TFB1M: variants seen among roughly 807,000 people sequenced by gnomAD.
TFB1M encodes the protein dimethyladenosine transferase 1, mitochondrial.
A neutral mutation model predicts 31.1 loss-of-function variants in TFB1M; 27 were observed. The ratio of observed to expected loss-of-function variants is 0.87; its 90% CI spans 0.64 to 1.20. The LOEUF is 1.20. TFB1M is among the 50% of genes most tolerant of loss of function. The pLI is 0.00. For missense variants in TFB1M, 394 were observed against 418.7 expected, an observed-to-expected ratio of 0.94 and a Z score of 0.51; for synonymous variants, 166 against 151.8, an observed-to-expected ratio of 1.09 and a Z score of -0.69.
chr6:155,281,125 T>A (rs1785481190), intron 5 of TFB1M, among the ~76,000 whole-genome samples: 1 of 152,234 alleles, frequency 6.6e-6, no homozygotes, highest in African/African-American at 2.4e-5. Context: ...TTTGTTTATA[T>A]CATAACAATA....
the TFB1M span, among the ~76,000 whole-genome samples, chr6:155,234,909 T>C: frequency 1.3e-5 from 2 of 152,082 alleles, no homozygotes; most frequent in African/African-American, 4.8e-5. Flanking sequence ...AGGAACTAGA[T>C]TGCTTTGCCT....
At chr6:155,248,762 A>AC in the TFB1M span, among the ~76,000 whole-genome samples, 4 of 152,254 alleles carry the variant, frequency 2.6e-5, no homozygotes, top group Non-Finnish European at 5.9e-5. Context: ...TTGATAGTAA[A>AC]TAGAGGATCC....
chr6:155,249,532 T>C, the TFB1M span, among the ~76,000 whole-genome samples: 1 of 152,228 alleles, frequency 6.6e-6, no homozygotes. Context: ...CTAAATGAGA[T>C]GATTCACAGA....
chr6:155,253,263 C>G (rs182451872), downstream of TFB1M: 259 of 505,346 alleles, frequency 5.1e-4, no homozygotes, highest in Admixed American at 7.8e-4. Flanking sequence ...TTGCCAAATG[C>G]CTTTCATTGT....
chr6:155,303,351 C>G (rs1411367494), intron 2 of TFB1M: 2 of 152,094 alleles, frequency 1.3e-5, no homozygotes, highest in African/African-American at 4.8e-5. Context: ...TTTTGCTACC[C>G]TATTATTATT....
chr6:155,275,602 C>A (rs1162321021), intron 5 of TFB1M: 1 of 1,052,964 alleles, frequency 9.5e-7, no homozygotes, highest in Non-Finnish European at 1.4e-6. Flanking sequence ...CCTGGTTTTG[C>A]CTTTTTTCCT....
At chr6:155,232,685 A>T in the TFB1M span, 1 of 150,722 alleles carries the variant, frequency 6.6e-6, no homozygotes, top group Non-Finnish European at 1.5e-5. Context: ...CTATGGCTCA[A>T]CACAGAGTGG....
chr6:155,250,060 C>A, the TFB1M span: 1 of 863,424 alleles, frequency 1.2e-6, no homozygotes. Context: ...TTAGGACTTT[C>A]CTGGAGGAGA....
intron 5 of TFB1M, among the ~76,000 whole-genome samples, chr6:155,284,910 A>G (rs1776555573): frequency 6.6e-6 from 1 of 152,244 alleles, no homozygotes; most frequent in South Asian, 2.1e-4. Flanking sequence ...GATGAAGATG[A>G]TGAATGATAC....
chr6:155,272,762 C>T (rs1198120013), intron 5 of TFB1M, among the ~76,000 whole-genome samples: 1 of 152,112 alleles, frequency 6.6e-6, no homozygotes, highest in African/African-American at 2.4e-5. Context: ...AGTAAGCAAG[C>T]ACTATGCTAA....
At chr6:155,252,452 G>C (rs1459383983), downstream of TFB1M, among the ~76,000 whole-genome samples, 1 of 152,200 alleles carries the variant, frequency 6.6e-6, no homozygotes, top group Non-Finnish European at 1.5e-5. Flanking sequence ...CTGTGCGACA[G>C]AGTGAGACCC....
At chr6:155,298,455 A>G (rs1231267580) in intron 3 of TFB1M, 22 bp downstream of exon 3, 1 of 1,227,646 alleles carries the variant, frequency 8.1e-7, no homozygotes, top group Non-Finnish European at 1.2e-6. Context: ...GAAATGTTTT[A>G]TAACTACCCA....
At chr6:155,249,959 C>A in the TFB1M span, 4 of 1,612,802 alleles carry the variant, frequency 2.5e-6, no homozygotes, top group Non-Finnish European at 3.4e-6. Flanking sequence ...CAGAGCGGAA[C>A]AGAGAAGGAG....
intron 4 of TFB1M, among the ~76,000 whole-genome samples, chr6:155,285,831 G>A (rs324358): frequency 0.58 from 87,389 of 151,968 alleles, 25,961 homozygotes; most frequent in East Asian, 0.84. Context: ...AAACATTTTT[G>A]TTTTGCAATT....
Position 155,258,099 on chromosome 6 carries a change from C to T in TFB1M, c.795-17G>A. 1 of 1,614,094 alleles carries T rather than the reference C, an allele frequency of 6.2e-7. No individual in the cohort carries two copies. Among genetic ancestry groups the T allele is most frequent in the Non-Finnish European group, 8.5e-7 (1 of 1,179,976 alleles). On this transcript the variant is annotated splice_polypyrimidine_tract_variant and intron_variant, in intron 6 of 6. Coordinates refer to ENST00000367166, the MANE Select transcript of TFB1M (RefSeq NM_016020.4). The stretch of plus-strand genomic sequence containing the variant: ...AATAACATTCTGAGGGGAAGACAGA[C>T]AGACAGAAAAATAAGAATTTTACTT...
chr6:155,245,768 T>TC, the TFB1M span: 12 of 1,441,044 alleles, frequency 8.3e-6, no homozygotes, highest in Non-Finnish European at 1.0e-5. Context: ...TTTTTTTTTT[T>TC]TTGCATTTTT....
chr6:155,275,141 G>A (rs1286674409), intron 5 of TFB1M, among the ~76,000 whole-genome samples: 5 of 152,044 alleles, frequency 3.3e-5, no homozygotes, highest in Non-Finnish European at 5.9e-5. Flanking sequence ...CAGGAGAATG[G>A]TGTGAACCCA....
chr6:155,240,881 G>A, the TFB1M span, among the ~76,000 whole-genome samples: 1 of 152,220 alleles, frequency 6.6e-6, no homozygotes, highest in Non-Finnish European at 1.5e-5. Flanking sequence ...GAGTGAGAGG[G>A]TGGAAGAGCT....
chr6:155,288,377 T>C (rs763500925), intron 4 of TFB1M, among the ~76,000 whole-genome samples: 6 of 152,214 alleles, frequency 3.9e-5, no homozygotes, highest in African/African-American at 7.2e-5. Context: ...ACACATATAC[T>C]CTCATACAGC....
Sources: gnomAD v4.1 joint callset for allele counts (sites outside exome capture counted in the v4.1 genomes callset) on GRCh38, gnomAD v4.1.1 for gene constraint, MANE v1.5 for transcripts, NCBI Gene and HGNC (gene_info 2026-07-23, HGNC 2026-07-21) for gene names.